The following OTUD7A variants were observed in gnomAD, a reference collection of about 807,000 sequenced individuals.
OTUD7A encodes the protein OTU domain-containing protein 7A.
OTUD7A carries 12 observed loss-of-function variants against 65.7 expected under a neutral mutation model. The observed-to-expected ratio is 0.18, with a 90% confidence interval of 0.12 to 0.30. The LOEUF is 0.30. OTUD7A is among the 10% of genes least tolerant of loss of function. The pLI is 1.00. For synonymous variants in OTUD7A, 641 were observed against 586.3 expected (o/e 1.09, Z -1.35); for missense variants, 1,148 against 1,304.8 (o/e 0.88, Z 1.85).
In OTUD7A at chr15:31,511,018, C is replaced by T. The variant is rs202172183; in HGVS notation, c.894-7200G>A. On this transcript the variant is annotated intron_variant, in intron 8 of 12. Coordinates refer to ENST00000307050, the MANE Select transcript of OTUD7A (RefSeq NM_001382637.1). ...CATATGTATATCTATATGTAACATA[C>T]ATGTATATCTATATGTAACATACAT... Among the ~76,000 whole-genome samples, 49 of 14,430 alleles carry T rather than the reference C, an allele frequency of 3.4e-3. 19 individuals are homozygous for T. In the African/African-American group the frequency reaches 0.039, roughly 11 times the overall value. 9.5% of individuals were successfully genotyped at this position (14,430 alleles called of 152,430 possible). A position where few individuals can be genotyped will look rare whatever the true frequency, so the allele number is the denominator to read the frequency against.
intron 1 of OTUD7A, among the ~76,000 whole-genome samples, chr15:31,847,591 C>T (rs1194989448): frequency 1.3e-5 from 2 of 152,144 alleles, no homozygotes; most frequent in African/African-American, 4.8e-5. Context: ...ACAGGGAAGA[C>T]CTTGCTTTGG....
intron 5 of OTUD7A, among the ~76,000 whole-genome samples, chr15:31,545,278 C>T (rs1441662203): frequency 1.3e-5 from 2 of 151,884 alleles, no homozygotes; most frequent in Non-Finnish European, 1.5e-5. Flanking sequence ...CATAGCACAT[C>T]ATTTATGAAA....
chr15:31,711,216 A>G (rs945365607), intron 1 of OTUD7A, among the ~76,000 whole-genome samples: 3 of 152,102 alleles, frequency 2.0e-5, no homozygotes, highest in African/African-American at 7.2e-5. Flanking sequence ...CATAAGAAAC[A>G]AAGATGAAAA....
chr15:31,765,633 G>A, intron 1 of OTUD7A: 2 of 630,842 alleles, frequency 3.2e-6, no homozygotes, highest in East Asian at 5.6e-5. Context: ...TACATAATGT[G>A]TTTATTTAGA....
intron 1 of OTUD7A, among the ~76,000 whole-genome samples, chr15:31,771,999 TC>T (rs1299983771): frequency 2.6e-5 from 4 of 152,080 alleles, no homozygotes; most frequent in African/African-American, 9.7e-5. Flanking sequence ...ACACCTGTAA[TC>T]CCAGCACTTT....
At chr15:31,713,437 G>A (rs1893500346) in intron 1 of OTUD7A, among the ~76,000 whole-genome samples, 1 of 152,120 alleles carries the variant, frequency 6.6e-6, no homozygotes, top group Non-Finnish European at 1.5e-5. Flanking sequence ...TGGGCAACAT[G>A]GTGAAACCTT....
At chr15:31,607,885 T>C (rs1377417931) in intron 3 of OTUD7A, among the ~76,000 whole-genome samples, 2 of 152,214 alleles carry the variant, frequency 1.3e-5, no homozygotes, top group Admixed American at 1.3e-4. Context: ...ATGCATTTCT[T>C]AGAATGTATC....
intron 3 of OTUD7A, among the ~76,000 whole-genome samples, chr15:31,574,911 C>G (rs1328023957): frequency 1.3e-5 from 2 of 152,176 alleles, no homozygotes; most frequent in African/African-American, 4.8e-5. Context: ...AGGACAGCCC[C>G]TCCACTTTGG....
At chr15:31,662,758 A>G (rs1016392477) in intron 1 of OTUD7A, among the ~76,000 whole-genome samples, 1 of 152,192 alleles carries the variant, frequency 6.6e-6, no homozygotes, top group African/African-American at 2.4e-5. Context: ...ACAAATTTTG[A>G]GTTCATTCTA....
intron 1 of OTUD7A, among the ~76,000 whole-genome samples, chr15:31,744,099 C>T (rs2141375899): frequency 6.6e-6 from 1 of 152,272 alleles, no homozygotes; most frequent in Admixed American, 6.5e-5. Flanking sequence ...TATTCTGAAT[C>T]TGTATCTGCT....
At chr15:31,818,885 A>C (rs1458044274) in intron 1 of OTUD7A, among the ~76,000 whole-genome samples, 1 of 152,128 alleles carries the variant, frequency 6.6e-6, no homozygotes, top group African/African-American at 2.4e-5. Context: ...AGTTTGGTAA[A>C]ACTACTTCCT....
chr15:31,562,969 T>G (rs752264517), intron 4 of OTUD7A, among the ~76,000 whole-genome samples: 1 of 152,212 alleles, frequency 6.6e-6, no homozygotes, highest in Non-Finnish European at 1.5e-5. Context: ...AAAGGAGACA[T>G]AAATTTAATT....
chr15:31,526,864 C>G (rs1202232350), intron 7 of OTUD7A, among the ~76,000 whole-genome samples: 1 of 152,176 alleles, frequency 6.6e-6, no homozygotes, highest in Non-Finnish European at 1.5e-5. Flanking sequence ...ATGGGCTGCA[C>G]CTGACAGCAG....
At chr15:31,799,794 T>G (rs1054756554) in intron 1 of OTUD7A, among the ~76,000 whole-genome samples, 1 of 152,152 alleles carries the variant, frequency 6.6e-6, no homozygotes, top group African/African-American at 2.4e-5. Context: ...CACACCTAGT[T>G]GCTCTCAATG....
intron 3 of OTUD7A, among the ~76,000 whole-genome samples, chr15:31,589,202 G>A (rs11852947): frequency 0.11 from 16,001 of 152,128 alleles, 2,269 homozygotes; most frequent in African/African-American, 0.33. Flanking sequence ...ATATGGATAT[G>A]TGTATGGAGA....
intron 1 of OTUD7A, among the ~76,000 whole-genome samples, chr15:31,723,475 G>A (rs575494517): frequency 1.1e-4 from 15 of 135,000 alleles, no homozygotes; most frequent in African/African-American, 1.1e-4. Context: ...AGAAAGAAAC[G>A]CAAGTCATAC....
At chr15:31,550,035 G>A (rs750342782) in intron 5 of OTUD7A, among the ~76,000 whole-genome samples, 37 of 151,208 alleles carry the variant, frequency 2.4e-4, no homozygotes, top group Non-Finnish European at 1.3e-4. Flanking sequence ...AGAAGGTGGA[G>A]GTTGCACTGA....
intron 1 of OTUD7A, among the ~76,000 whole-genome samples, chr15:31,659,269 T>C (rs1327007862): frequency 1.3e-5 from 2 of 151,902 alleles, no homozygotes; most frequent in Admixed American, 6.6e-5. Context: ...GGTGAATGAG[T>C]GCCTGGAGGT....
At chr15:31,782,486 C>T (rs1285508247) in intron 1 of OTUD7A, among the ~76,000 whole-genome samples, 2 of 152,112 alleles carry the variant, frequency 1.3e-5, no homozygotes, top group East Asian at 1.9e-4. Context: ...TAGCCACAGG[C>T]AGATGCTAGG....
Sources: gnomAD v4.1 joint callset for allele counts (sites outside exome capture counted in the v4.1 genomes callset) on GRCh38, gnomAD v4.1.1 for gene constraint, MANE v1.5 for transcripts, NCBI Gene and HGNC (gene_info 2026-07-23, HGNC 2026-07-21) for gene names.